The following HUWE1 variants were observed in gnomAD, a reference collection of about 807,000 sequenced individuals.
HUWE1 encodes the protein E3 ubiquitin-protein ligase HUWE1.
Under a neutral mutation model 299.4 loss-of-function variants are expected in HUWE1, and 18 were observed. The observed-to-expected ratio is 0.06, with a 90% CI of 0.04 to 0.09. The LOEUF (loss-of-function observed/expected upper bound fraction) is 0.09. Among genes scored for constraint, HUWE1 ranks in the 10% least tolerant of loss-of-function variants. HUWE1 has a pLI of 1.00. For missense variants in HUWE1, 1,832 were observed against 3,462.3 expected, an observed-to-expected ratio of 0.53 and a Z score of 11.82; for synonymous variants, 1,317 against 1,286.1, an observed-to-expected ratio of 1.02 and a Z score of -0.51.
At chrX:53,559,111 C>T in intron 57 of HUWE1, 51 bp from the exon 58 acceptor site, 1 of 1,004,708 alleles carries the variant, frequency 1.0e-6, no homozygotes, top group African/African-American at 1.9e-5. Context: ...CAAGCATTAA[C>T]TGATCCACCG....
Position 53,593,524 on chromosome X carries a change from C to T in HUWE1, c.3581G>A (p.Gly1194Asp). Residue 1194 changes from glycine (G) to aspartate (D), a missense_variant, in exon 32 of 84, where the codon GGC (glycine) becomes GAC (aspartate). Transcript: ENST00000262854. ...EGLEHSDLPD[G>D]TGEFLDAWLM... ...CCAGGCATCTAGGAATTCTCCTGTG[C>T]CATCAGGCAAGTCTGAGTGTTCCAA... 8.3e-7 allele frequency: 1 copy of T among 1,211,290 alleles called. No homozygotes were observed. Among genetic ancestry groups the T allele is most frequent in the Non-Finnish European group, 1.1e-6 (1 of 895,006 alleles).
chrX:53,533,642 G>A, intron 83 of HUWE1: 1 of 446,344 alleles, frequency 2.2e-6, no homozygotes, highest in Non-Finnish European at 3.9e-6. Flanking sequence ...AAACACCCTG[G>A]CCTCACTCGC....
At position 53,685,822 on chromosome X, in the gene HUWE1, C is replaced by G. The variant is rs782168901; in HGVS notation, c.-163+448G>C. The stretch of plus-strand genomic sequence containing the variant: ...AGCGGTTACTCTTCTAAGAATTTCT[C>G]CTACAGAAATACTCATACATGGCAT... On this transcript the variant is annotated intron_variant, in intron 2 of 83. Coordinates refer to ENST00000262854, the MANE Select transcript of HUWE1 (RefSeq NM_031407.7). Among the ~76,000 whole-genome samples the G allele has an allele frequency of 1.1e-3, 123 of 111,850 alleles. 1 individual carries two copies. Among genetic ancestry groups the G allele is most frequent in the Non-Finnish European group, 3.9e-4 (21 of 53,179 alleles).
intron 3 of HUWE1, among the ~76,000 whole-genome samples, chrX:53,661,285 C>T (rs782459949): frequency 8.9e-6 from 1 of 112,086 alleles, no homozygotes; most frequent in Non-Finnish European, 1.9e-5. Flanking sequence ...CCGCCCGCCT[C>T]GGCTTCCCAA....
At chrX:53,534,729 C>G (rs1556910317) in intron 81 of HUWE1, 32 bp from the exon 82 acceptor site, 2 of 1,177,125 alleles carry the variant, frequency 1.7e-6, no homozygotes, top group Non-Finnish European at 1.2e-6. Context: ...CAAATGACTT[C>G]TAAACTCACA....
At chrX:53,633,176 A>T (rs1357892628) in intron 8 of HUWE1, among the ~76,000 whole-genome samples, 1 of 112,390 alleles carries the variant, frequency 8.9e-6, no homozygotes, top group Non-Finnish European at 1.9e-5. Context: ...ACTCTAGAAA[A>T]GCAACATGAT....
intron 3 of HUWE1, among the ~76,000 whole-genome samples, chrX:53,672,484 CCT>C (rs1172047989): frequency 5.4e-5 from 6 of 110,241 alleles, no homozygotes; most frequent in African/African-American, 2.0e-4. Flanking sequence ...GTCTCGAACT[CCT>C]GACCTCAAAT....
intron 2 of HUWE1, among the ~76,000 whole-genome samples, chrX:53,684,559 A>G (rs2070371586): frequency 9.0e-6 from 1 of 111,402 alleles, no homozygotes; most frequent in Non-Finnish European, 1.9e-5. Flanking sequence ...TAAAAAGTCA[A>G]CCTGTTTATT....
intron 43 of HUWE1, among the ~76,000 whole-genome samples, chrX:53,578,326 C>T (rs1260951988): frequency 4.6e-5 from 5 of 107,872 alleles, no homozygotes; most frequent in Admixed American, 9.5e-5. Flanking sequence ...CGTCTCCGCC[C>T]GGCAGCCACC....
At chrX:53,683,974 C>A (rs2070337126) in intron 2 of HUWE1, 2 of 296,986 alleles carry the variant, frequency 6.7e-6, no homozygotes, top group Non-Finnish European at 5.9e-6. Flanking sequence ...GCCGCCTCCG[C>A]GGCTACTGCA....
At chrX:53,597,152 A>C (rs1556985829) in intron 29 of HUWE1, among the ~76,000 whole-genome samples, 1 of 111,652 alleles carries the variant, frequency 9.0e-6, no homozygotes, top group Non-Finnish European at 1.9e-5. Flanking sequence ...CCAGTAAAGG[A>C]TAATTTGATA....
At chrX:53,672,555 G>A (rs1183215674) in intron 3 of HUWE1, among the ~76,000 whole-genome samples, 4 of 111,051 alleles carry the variant, frequency 3.6e-5, no homozygotes, top group South Asian at 7.6e-4. Context: ...CACTGCGCCC[G>A]GCTGAGATGT....
chrX:53,546,517 C>T lies in HUWE1; in HGVS notation c.10834G>A (p.Asp3612Asn). ...ANVLLQLSRG[D>N]SGTRDTVLKL... The stretch of plus-strand genomic sequence containing the variant: ...AGAACAGTGTCCCGGGTCCCAGAGT[C>T]CCCCCGGGAGAGCTGCAGTAGTACG... Residue 3612 changes from aspartate to asparagine, a missense_variant, in exon 70 of 84, where the codon GAC becomes AAC. By Grantham distance (23) the Asp-to-Asn change is conservative. This residue lies in a region of HUWE1 where 48 missense variants were observed against 87.0 expected (regional missense o/e 0.55). Coordinates refer to ENST00000262854, the MANE Select transcript of HUWE1 (RefSeq NM_031407.7). 8.3e-7 allele frequency: 1 copy of T among 1,206,349 alleles called. No homozygotes were observed. Among genetic ancestry groups the T allele is most frequent in the African/African-American group, 1.7e-5 (1 of 57,647 alleles).
Position 53,602,655 on chromosome X carries a change from T to A in HUWE1, c.2880A>T (p.Leu960=), listed in dbSNP as rs782100455. 9.0e-7 allele frequency: 1 copy of A among 1,114,937 alleles called. No individual in the cohort carries two copies. The highest frequency in any genetic ancestry group is 1.2e-6 in the Non-Finnish European group (1 of 809,676). The allele number at this position is 1,114,937 out of a possible 1,213,427, so 91.9% of individuals were successfully genotyped here. The change falls in exon 28 of 84, where the codon CTA becomes CTT. Residue 960 remains leucine (L), a synonymous_variant. Coordinates refer to ENST00000262854, the MANE Select transcript of HUWE1 (RefSeq NM_031407.7). ...CCTGGCCAAATTCACACCCAGATGG[T>A]AGGCTGCAAAAAGAGAAATGCTGAG... The part of the protein sequence containing the change: ...VLLSLCTPNS[L]PSGCEFGQAD...
chrX:53,592,391 A>C lies in HUWE1; in HGVS notation c.3972+7T>G, dbSNP rs1556979879. The C allele has an allele frequency of 2.5e-6, 3 of 1,184,532 alleles. No homozygotes were observed. The African/African-American group carries it at 5.3e-5, about 21-fold the overall frequency. The stretch of plus-strand genomic sequence containing the variant: ...CTGGACCCTGGAGTGTGAGGCCAGT[A>C]CCCTACCTGTTGCAGTTGTTGCTGG... On this transcript the variant is annotated splice_region_variant and intron_variant, in intron 33 of 83. Coordinates refer to ENST00000262854, the MANE Select transcript of HUWE1 (RefSeq NM_031407.7).
At chrX:53,677,660 A>G (rs1310041621) in intron 3 of HUWE1, among the ~76,000 whole-genome samples, 2 of 110,627 alleles carry the variant, frequency 1.8e-5, no homozygotes, top group African/African-American at 6.6e-5. Context: ...AGACAGGAAT[A>G]TAAGAAAATA....
At chrX:53,614,782 T>A (rs1557005776) in intron 22 of HUWE1, 37 bp from the exon 23 acceptor site, 2 of 979,403 alleles carry the variant, frequency 2.0e-6, no homozygotes, top group Non-Finnish European at 2.9e-6. Context: ...TTATTAGTAA[T>A]CATGGAATGG....
chrX:53,652,618 A>G (rs1426656497), intron 4 of HUWE1, among the ~76,000 whole-genome samples: 3 of 112,179 alleles, frequency 2.7e-5, no homozygotes, highest in Admixed American at 9.5e-5. Context: ...AAACTTCTAG[A>G]TGCCAAAACA....
intron 19 of HUWE1, among the ~76,000 whole-genome samples, chrX:53,623,925 T>C (rs781951487): frequency 8.9e-6 from 1 of 112,536 alleles, no homozygotes; most frequent in Non-Finnish European, 1.9e-5. Flanking sequence ...CCACGTCTCC[T>C]ACTAAATTCC....
Sources: gnomAD v4.1 joint callset for allele counts (sites outside exome capture counted in the v4.1 genomes callset) on GRCh38, gnomAD v4.1.1 for gene constraint, gnomAD v4.1.1 regional missense constraint, MANE v1.5 for transcripts, NCBI Gene and HGNC (gene_info 2026-07-23, HGNC 2026-07-21) for gene names.